Variants in ZNF292 observed in about 807,000 individuals in gnomAD.
ZNF292 encodes the protein 16 zinc-finger domain protein.
In ZNF292, 26 loss-of-function variants were observed where a neutral mutation model predicts 217.9. The observed-to-expected ratio is 0.12, with a 90% CI of 0.09 to 0.17. The LOEUF (loss-of-function observed/expected upper bound fraction) is 0.17, where lower values mean the gene tolerates loss of function less well. Ranked by LOEUF, ZNF292 falls within the 10% of genes least tolerant of loss-of-function variation. ZNF292 has a pLI of 1.00. For synonymous variants in ZNF292, 1,257 were observed against 1,124.1 expected (o/e 1.12, Z -2.37); for missense variants, 2,904 against 3,175.2 (o/e 0.91, Z 2.05).
chr6:87,226,765 G>A lies in ZNF292; in HGVS notation c.539-6560G>A, dbSNP rs1463118001. Among the ~76,000 whole-genome samples, 4 of 150,720 alleles carry A rather than the reference G, an allele frequency of 2.7e-5. No individual in the cohort carries two copies. The East Asian group carries it at 5.9e-4, about 22-fold the overall frequency. The stretch of plus-strand genomic sequence containing the variant: ...ATGATCTTGCCTCACTGCAACCTCC[G>A]CCTCCTGGATTCAAGCGATTCTCCT... On this transcript the variant is annotated intron_variant, in intron 4 of 7. Transcript: ENST00000369577.
At chr6:87,169,257 T>C (rs1286353038) in intron 1 of ZNF292, among the ~76,000 whole-genome samples, 1 of 152,046 alleles carries the variant, frequency 6.6e-6, no homozygotes, top group East Asian at 1.9e-4. Flanking sequence ...GCCAGGCTAG[T>C]CTCGAACTCC....
Position 87,258,706 on chromosome 6 carries a change from G to A in ZNF292, c.5077G>A (p.Val1693Ile). The stretch of plus-strand genomic sequence containing the variant: ...AAATCTAACACAGAAATTAAATAAT[G>A]TTAACAATCAGTTATTTATGACTGA... ...VENLTQKLNN[V>I]NNQLFMTDVK... The change falls in exon 8 of 8, where the codon GTT becomes ATT. Residue 1693 changes from valine (V) to isoleucine (I), a missense_variant. This residue lies in a region of ZNF292 where 622 missense variants were observed against 573.1 expected (regional missense o/e 1.09). Coordinates refer to ENST00000369577, the MANE Select transcript of ZNF292 (RefSeq NM_015021.3). 1 of 1,613,184 alleles carries A rather than the reference G, an allele frequency of 6.2e-7. No individual in the cohort carries two copies. The highest frequency in any genetic ancestry group is 8.5e-7 in the Non-Finnish European group (1 of 1,179,576).
chr6:87,233,205 A>C (rs1232959698), intron 4 of ZNF292, 120 bp from the exon 5 acceptor site: 1 of 686,964 alleles, frequency 1.5e-6, no homozygotes, highest in African/African-American at 1.8e-5. Flanking sequence ...TACTAGCAAT[A>C]ATAGAAAATT....
chr6:87,238,606 A>AT lies in ZNF292; in HGVS notation c.742-4862dup, dbSNP rs1774018087. Among the ~76,000 whole-genome samples the AT allele has an allele frequency of 2.2e-5, 3 of 138,368 alleles. 1 individual carries two copies. Among genetic ancestry groups the AT allele is most frequent in the Non-Finnish European group, 4.8e-5 (3 of 62,914 alleles). The allele number at this position is 138,368 out of a possible 152,430, so 90.8% of individuals were successfully genotyped here. ...ACTCAGCAAGAGTGCCTTAGGTTTT[A>AT]TTTTTTTGGTTTTTTTTTTTCAGTA... On this transcript the variant is annotated intron_variant, in intron 5 of 7. Coordinates refer to ENST00000369577, the MANE Select transcript of ZNF292 (RefSeq NM_015021.3).
intron 5 of ZNF292, among the ~76,000 whole-genome samples, chr6:87,243,189 A>G (rs1482687228): frequency 6.6e-6 from 1 of 152,006 alleles, no homozygotes; most frequent in Non-Finnish European, 1.5e-5. Context: ...AGTTACATAT[A>G]AATGCTTGTA....
At chr6:87,239,603 CTGGA>C (rs1774132440) in intron 5 of ZNF292, among the ~76,000 whole-genome samples, 3 of 148,376 alleles carry the variant, frequency 2.0e-5, no homozygotes, top group East Asian at 2.0e-4. Flanking sequence ...GGGGCGGCTG[CTGGA>C]CGGAGGGGCT....
At position 87,258,305 on chromosome 6, in the gene ZNF292, C is replaced by A; in HGVS notation, c.4676C>A (p.Ser1559Tyr). The change falls in exon 8 of 8, where the codon TCC becomes TAC. Residue 1559 changes from serine to tyrosine, a missense_variant. Ser to Tyr is a moderately radical substitution (Grantham distance 144, BLOSUM62 -2). Coordinates refer to ENST00000369577, the MANE Select transcript of ZNF292 (RefSeq NM_015021.3). ...NQNRTSNSKTSSIEECSSLPV... is the reference protein window; with the variant it reads ...NQNRTSNSKTYSIEECSSLPV... Reference sequence around the variant, plus strand: ...AATAGGACGTCAAACTCCAAAACTTCCTCCATTGAGGAATGTAGCAGCTTG... The same window carrying A: ...AATAGGACGTCAAACTCCAAAACTTACTCCATTGAGGAATGTAGCAGCTTG... 1 of 1,613,504 alleles carries A rather than the reference C, an allele frequency of 6.2e-7. No individual in the cohort carries two copies. Among genetic ancestry groups the A allele is most frequent in the Admixed American group, 1.7e-5 (1 of 59,868 alleles).
chr6:87,260,973 G>A lies in ZNF292; in HGVS notation c.7344G>A (p.Val2448=). The change falls in exon 8 of 8, where the codon GTG becomes GTA. Residue 2448 remains valine, a synonymous_variant. Coordinates refer to ENST00000369577, the MANE Select transcript of ZNF292 (RefSeq NM_015021.3). ...TSEQEGAKND[V]KDSDTCVSES... ...AGCAAGAAGGTGCTAAGAATGATGTGAAAGATTCTGACACGTGTGTATCAG... is the reference window on the plus strand; with the variant it reads ...AGCAAGAAGGTGCTAAGAATGATGTAAAAGATTCTGACACGTGTGTATCAG... 6.2e-7 allele frequency: 1 copy of A among 1,608,944 alleles called. No individual in the cohort carries two copies. Among genetic ancestry groups the A allele is most frequent in the Non-Finnish European group, 8.5e-7 (1 of 1,177,336 alleles).
intron 1 of ZNF292, among the ~76,000 whole-genome samples, chr6:87,179,932 C>T (rs984997395): frequency 6.6e-6 from 1 of 152,124 alleles, no homozygotes; most frequent in Admixed American, 6.5e-5. Context: ...ATTGCTTCTG[C>T]CATGTTTTAT....
Position 87,256,344 on chromosome 6 carries a change from T to C in ZNF292, c.2715T>C (p.Ile905=). Reference sequence around the variant, plus strand: ...CAGCTGTGACCAAACAAGACCAGATTTCTGCCTCTGAGCTCAGGCAAGCTA... The same window carrying C: ...CAGCTGTGACCAAACAAGACCAGATCTCTGCCTCTGAGCTCAGGCAAGCTA... ...AESAVTKQDQ[I]SASELRQANG... is the part of the protein sequence containing the mutation. Residue 905 remains isoleucine (I), a synonymous_variant, in exon 8 of 8, where the codon ATT becomes ATC. Transcript: ENST00000369577. 1 of 1,612,254 alleles carries C rather than the reference T, an allele frequency of 6.2e-7. No individual in the cohort carries two copies. Among genetic ancestry groups the C allele is most frequent in the Middle Eastern group, 1.6e-4 (1 of 6,062 alleles).
intron 3 of ZNF292, among the ~76,000 whole-genome samples, chr6:87,217,540 C>A (rs1179339243): frequency 1.3e-5 from 2 of 152,050 alleles, no homozygotes; most frequent in African/African-American, 4.8e-5. Flanking sequence ...TTCAGATACA[C>A]CCTACCACAG....
chr6:87,265,267 A>G lies in ZNF292; in HGVS notation c.*3466A>G, dbSNP rs548933273. Among the ~76,000 whole-genome samples the G allele has an allele frequency of 1.6e-3, 240 of 152,138 alleles. No homozygotes were observed. Among genetic ancestry groups the G allele is most frequent in the Non-Finnish European group, 2.7e-3 (186 of 67,978 alleles). ...GTAGCTGGGACTACAGATGCATGCT[A>G]TCACACCCAGCTAATTTTGTAGTTT... On this transcript the variant is annotated 3_prime_UTR_variant, in exon 8 of 8. Coordinates refer to ENST00000369577, the MANE Select transcript of ZNF292 (RefSeq NM_015021.3).
At position 87,263,910 on chromosome 6, in the gene ZNF292, T is replaced by C. The variant is rs1470196991; in HGVS notation, c.*2109T>C. On this transcript the variant is annotated 3_prime_UTR_variant, in exon 8 of 8. Coordinates refer to ENST00000369577, the MANE Select transcript of ZNF292 (RefSeq NM_015021.3). ...AGCCACTGTTAAGTGAAAATGCCAATGTATTGGGGCTTTTCTTTTGCTCAT... is the reference window on the plus strand; with the variant it reads ...AGCCACTGTTAAGTGAAAATGCCAACGTATTGGGGCTTTTCTTTTGCTCAT... 3 of 152,138 alleles carry C rather than the reference T, an allele frequency of 2.0e-5. No homozygotes were observed. The highest frequency in any genetic ancestry group is 6.6e-5 in the Admixed American group (1 of 15,256). The allele number at this position is 152,138 out of a possible 1,614,324, so 9.4% of individuals were successfully genotyped here.
rs75630303 is a variant in ZNF292 at position 87,202,232 on chromosome 6, A to T, written c.169-13671A>T. Among the ~76,000 whole-genome samples, 130 of 152,298 alleles carry T rather than the reference A, an allele frequency of 8.5e-4. 1 individual carries two copies. The East Asian group carries it at 0.024, about 28-fold the overall frequency. On this transcript the variant is annotated intron_variant, in intron 1 of 7. Coordinates refer to ENST00000369577, the MANE Select transcript of ZNF292 (RefSeq NM_015021.3). ...CACCCTTCCTTTTATTCTTTAAATA[A>T]AGTTTTATACTTTTTTTTGAAAAGA... is the stretch of plus-strand genomic sequence containing the variant.
At chr6:87,156,245 T>A (rs1275896682) in intron 1 of ZNF292, among the ~76,000 whole-genome samples, 1 of 152,176 alleles carries the variant, frequency 6.6e-6, no homozygotes, top group Non-Finnish European at 1.5e-5. Context: ...GCCCCGGCCC[T>A]GTCCTGGCTG....
rs185540767 is a variant in ZNF292, at chr6:87,195,581, T to C, written c.169-20322T>C. ...AATACTTTATCTGTTGGAAATCTTA[T>C]AGTTTTCCTGTGACCGTTAAAATTT... On this transcript the variant is annotated intron_variant, in intron 1 of 7. Coordinates refer to ENST00000369577, the MANE Select transcript of ZNF292 (RefSeq NM_015021.3). Among the ~76,000 whole-genome samples the C allele has an allele frequency of 3.7e-3, 569 of 152,338 alleles. 6 individuals carry two copies. Among genetic ancestry groups the C allele is most frequent in the Middle Eastern group, 6.8e-3 (2 of 294 alleles).
intron 3 of ZNF292, among the ~76,000 whole-genome samples, chr6:87,216,925 T>G (rs1464561181): frequency 6.6e-6 from 1 of 151,694 alleles, no homozygotes; most frequent in Non-Finnish European, 1.5e-5. Flanking sequence ...TTATTTAGTG[T>G]TGTTATTCTG....
rs371464895 is a variant in ZNF292 at position 87,264,518 on chromosome 6, A to G, written c.*2717A>G. Among the ~76,000 whole-genome samples the G allele has an allele frequency of 2.0e-5, 3 of 152,368 alleles. No individual in the cohort carries two copies. Among genetic ancestry groups the G allele is most frequent in the South Asian group, 4.1e-4 (2 of 4,834 alleles). On this transcript the variant is annotated 3_prime_UTR_variant, in exon 8 of 8. Coordinates refer to ENST00000369577, the MANE Select transcript of ZNF292 (RefSeq NM_015021.3). ...AATACTATACCTAGGGACATCAGAA[A>G]GAATGCCCTATTTTTCTGGAAAAGG...
intron 1 of ZNF292, among the ~76,000 whole-genome samples, chr6:87,195,063 TA>T (rs1173200627): frequency 6.6e-6 from 1 of 152,182 alleles, no homozygotes; most frequent in African/African-American, 2.4e-5. Flanking sequence ...TTTTAGAAAG[TA>T]ATAGGACATA....
Sources: gnomAD v4.1 joint callset for allele counts (sites outside exome capture counted in the v4.1 genomes callset) on GRCh38, gnomAD v4.1.1 for gene constraint, gnomAD v4.1.1 regional missense constraint, MANE v1.5 for transcripts, NCBI Gene and HGNC (gene_info 2026-07-23, HGNC 2026-07-21) for gene names.